PKD2L1: variants seen among roughly 807,000 people sequenced by gnomAD.
The protein encoded by PKD2L1 is polycystin 2 like 1, transient receptor potential cation channel.
A neutral mutation model predicts 93.0 loss-of-function variants in PKD2L1; 77 were observed. The observed-to-expected ratio is 0.83, with a 90% confidence interval of 0.69 to 1.00. The LOEUF is 1.00. Ranked by LOEUF, PKD2L1 falls within the 50% of genes least tolerant of loss-of-function variation. The pLI is 0.00. For synonymous variants in PKD2L1, 390 were observed against 388.0 expected, an observed-to-expected ratio of 1.01 and a Z score of -0.06; for missense variants, 977 against 990.9, an observed-to-expected ratio of 0.99 and a Z score of 0.19.
intron 2 of PKD2L1, among the ~76,000 whole-genome samples, chr10:100,326,914 G>A (rs1286124977): frequency 6.6e-6 from 1 of 152,114 alleles, no homozygotes; most frequent in Non-Finnish European, 1.5e-5. Context: ...TTTAAGAAAA[G>A]TACCATGATA....
chr10:100,308,336 C>CA, intron 2 of PKD2L1, among the ~76,000 whole-genome samples: 1 of 145,474 alleles, frequency 6.9e-6, no homozygotes, highest in Non-Finnish European at 1.5e-5. Flanking sequence ...TAGAATGTTG[C>CA]TTTTTTTTTT....
At position 100,288,488 on chromosome 10, in the gene PKD2L1, A is replaced by T. The variant is rs767817030; in HGVS notation, c.2336-10T>A. The T allele has an allele frequency of 1.2e-5, 19 of 1,551,724 alleles. No individual in the cohort carries two copies. Among genetic ancestry groups the T allele is most frequent in the Non-Finnish European group, 1.4e-5 (16 of 1,123,414 alleles). On this transcript the variant is annotated splice_polypyrimidine_tract_variant and intron_variant, in intron 15 of 15. Coordinates refer to ENST00000318222, the MANE Select transcript of PKD2L1 (RefSeq NM_016112.3). Reference sequence around the variant, plus strand: ...CTTTTATAGGGAACCTCTGTGGGGGAAAACGAGAAACCCATGGGTGCTAGC... The same window carrying T: ...CTTTTATAGGGAACCTCTGTGGGGGTAAACGAGAAACCCATGGGTGCTAGC...
Position 100,297,408 on chromosome 10 carries a change from G to A in PKD2L1, c.930C>T (p.Ala310=), listed in dbSNP as rs1848568679. Residue 310 remains alanine, a synonymous_variant, in exon 5 of 16, where the codon GCC becomes GCT. Coordinates refer to ENST00000318222, the MANE Select transcript of PKD2L1 (RefSeq NM_016112.3). ...VVFIDFSVYN[A]NINLFCVLRL... ...TCAGGACACAGAAAAGATTGATATT[G>A]GCATTGTAGACTGAGAAGTCGATGA... The A allele has an allele frequency of 1.2e-6, 2 of 1,613,808 alleles. No individual in the cohort carries two copies. Among genetic ancestry groups the A allele is most frequent in the East Asian group, 4.5e-5 (2 of 44,880 alleles).
chr10:100,294,671 T>C lies in PKD2L1; in HGVS notation c.1539-16A>G, dbSNP rs1327286939. The stretch of plus-strand genomic sequence containing the variant: ...CTGAGTGAAACTGAGAGACCAGGTC[T>C]GGGCTTTACCCAGAGCCTAACAAAC... On this transcript the variant is annotated splice_polypyrimidine_tract_variant and intron_variant, in intron 8 of 15. Coordinates refer to ENST00000318222, the MANE Select transcript of PKD2L1 (RefSeq NM_016112.3). The C allele has an allele frequency of 1.2e-6, 2 of 1,614,100 alleles. No homozygotes were observed. Among genetic ancestry groups the C allele is most frequent in the Admixed American group, 3.3e-5 (2 of 60,008 alleles).
chr10:100,308,605 G>A (rs1033536561), intron 2 of PKD2L1, among the ~76,000 whole-genome samples: 2 of 152,140 alleles, frequency 1.3e-5, no homozygotes, highest in African/African-American at 4.8e-5. Context: ...AAAGTGCTGG[G>A]ATTACAGGCA....
rs201327385 is a variant in PKD2L1 at position 100,294,982 on chromosome 10, C to T, written c.1498G>A (p.Gly500Arg). ...GTGCTAAAGTTTTCCACTTGGGTCC[C>T]GAAAAGCAGGTAGCCGAGTTGGGCA... Reference protein sequence around the residue: ...AYAQLGYLLFGTQVENFSTFI... With the variant: ...AYAQLGYLLFRTQVENFSTFI... The change falls in exon 8 of 16, where the codon GGG becomes AGG. Residue 500 changes from glycine to arginine, a missense_variant. Physicochemically the swap from Gly to Arg is moderately radical, Grantham distance 125 (BLOSUM62 -2). Coordinates refer to ENST00000318222, the MANE Select transcript of PKD2L1 (RefSeq NM_016112.3). The T allele has an allele frequency of 4.9e-5, 79 of 1,614,038 alleles. No individual in the cohort carries two copies. The highest frequency in any genetic ancestry group is 5.8e-5 in the Non-Finnish European group (69 of 1,180,026).
intron 2 of PKD2L1, among the ~76,000 whole-genome samples, chr10:100,321,114 T>C (rs1849216729): frequency 6.6e-6 from 1 of 151,984 alleles, no homozygotes; most frequent in Admixed American, 6.6e-5. Context: ...TTTGGGAAAC[T>C]GAGGCAGAGG....
chr10:100,303,352 C>A (rs1364329039), intron 2 of PKD2L1, among the ~76,000 whole-genome samples: 1 of 152,072 alleles, frequency 6.6e-6, no homozygotes, highest in Non-Finnish European at 1.5e-5. Context: ...CAGCACGACG[C>A]CCGGCTAATT....
rs1848501300 is a variant in PKD2L1 at position 100,295,209 on chromosome 10, A to G, written c.1357-86T>C. 4.9e-6 allele frequency: 5 copies of G among 1,030,924 alleles called. No individual in the cohort carries two copies. The South Asian group carries it at 7.5e-5, about 15-fold the overall frequency. 63.9% of individuals were successfully genotyped at this position (1,030,924 alleles called of 1,614,324 possible). ...CATGCCAAGGGCCTATGGAGGCCAC[A>G]GGAGTTGCCAAGCCAGACAAAGAAA... On this transcript the variant is annotated intron_variant, in intron 7 of 15. Transcript: ENST00000318222.
intron 2 of PKD2L1, among the ~76,000 whole-genome samples, chr10:100,304,746 A>C (rs1328669829): frequency 6.6e-6 from 1 of 152,096 alleles, no homozygotes; most frequent in Non-Finnish European, 1.5e-5. Flanking sequence ...TAGCCTCCCA[A>C]AGTGTTGGAA....
chr10:100,299,938 C>T (rs1848641158), intron 2 of PKD2L1, among the ~76,000 whole-genome samples: 1 of 152,178 alleles, frequency 6.6e-6, no homozygotes, highest in Admixed American at 6.5e-5. Context: ...TTCTTCCAAC[C>T]CACCTCAGAA....
chr10:100,329,578 G>A (rs1364092659), intron 1 of PKD2L1, among the ~76,000 whole-genome samples: 2 of 152,132 alleles, frequency 1.3e-5, no homozygotes, highest in African/African-American at 4.8e-5. Flanking sequence ...TGTTCCAGGT[G>A]GGGTAGTCTA....
intron 2 of PKD2L1, among the ~76,000 whole-genome samples, chr10:100,314,259 G>C (rs1002130070): frequency 3.9e-5 from 6 of 152,054 alleles, no homozygotes; most frequent in Non-Finnish European, 4.4e-5. Context: ...CCAGCAGGGA[G>C]AGCCCTTTAA....
rs1350758487 is a variant in PKD2L1, at chr10:100,297,060, C to T, written c.1105G>A (p.Glu369Lys). 1 of 1,614,008 alleles carries T rather than the reference C, an allele frequency of 6.2e-7. No individual in the cohort carries two copies. The highest frequency in any genetic ancestry group is 8.5e-7 in the Non-Finnish European group (1 of 1,179,986). Residue 369 changes from glutamate to lysine, a missense_variant, in exon 6 of 16, where the codon GAA (glutamate) becomes AAA (lysine). Glu to Lys is a moderately conservative substitution (Grantham distance 56, BLOSUM62 1). Transcript: ENST00000318222. ...FCVFIFYYVV[E>K]EILELHIHRL... ...TGAATGTGGAGCTCCAGGATCTCTT[C>T]CACCACATAGTAGAAGATGAAGACG...
intron 2 of PKD2L1, among the ~76,000 whole-genome samples, chr10:100,300,955 G>A (rs1030898994): frequency 1.6e-4 from 25 of 152,070 alleles, no homozygotes; most frequent in Non-Finnish European, 2.5e-4. Flanking sequence ...ATAATTCAAC[G>A]TAGGTTCTTT....
chr10:100,324,822 T>A (rs1041118094), intron 2 of PKD2L1, among the ~76,000 whole-genome samples: 1 of 152,174 alleles, frequency 6.6e-6, no homozygotes, highest in Non-Finnish European at 1.5e-5. Flanking sequence ...TACCTAATAA[T>A]AAACACAGGT....
Position 100,330,121 on chromosome 10 carries a change from G to T in PKD2L1, c.-18C>A, listed in dbSNP as rs767557459. The T allele has an allele frequency of 6.8e-6, 10 of 1,478,838 alleles. No homozygotes were observed. The highest frequency in any genetic ancestry group is 8.3e-6 in the Non-Finnish European group (9 of 1,084,176). The allele number at this position is 1,478,838 out of a possible 1,614,324, so 91.6% of individuals were successfully genotyped here. The stretch of plus-strand genomic sequence containing the variant: ...GCATTCATGGGGAATGAGGTGGGGG[G>T]GCCCGGTACCCCAGGTGCCCACTCT... On this transcript the variant is annotated 5_prime_UTR_variant, in exon 1 of 16. Coordinates refer to ENST00000318222, the MANE Select transcript of PKD2L1 (RefSeq NM_016112.3).
rs1848554204 is a variant in PKD2L1, at chr10:100,296,992, C to G, written c.1173G>C (p.Leu391=). The G allele has an allele frequency of 6.2e-7, 1 of 1,611,732 alleles. No homozygotes were observed. The highest frequency in any genetic ancestry group is 1.1e-5 in the South Asian group (1 of 91,012). ...ATCTGTCCCTCACCAAGATGACCAC[C>G]AGGTCCAGTATGTTCCAGATGCTGC... The part of the protein sequence containing the change: ...YLSSIWNILD[L]VVILLSIVAV... The change falls in exon 6 of 16, where the codon CTG becomes CTC. Residue 391 remains leucine, a synonymous_variant. Coordinates refer to ENST00000318222, the MANE Select transcript of PKD2L1 (RefSeq NM_016112.3).
chr10:100,312,234 T>A (rs1327697427), intron 2 of PKD2L1, among the ~76,000 whole-genome samples: 1 of 152,188 alleles, frequency 6.6e-6, no homozygotes, highest in African/African-American at 2.4e-5. Context: ...CTGAGAGAAC[T>A]AGATTCACTC....
Sources: gnomAD v4.1 joint callset for allele counts (sites outside exome capture counted in the v4.1 genomes callset) on GRCh38, gnomAD v4.1.1 for gene constraint, MANE v1.5 for transcripts, NCBI Gene and HGNC (gene_info 2026-07-23, HGNC 2026-07-21) for gene names.